The following CNNM2 variants were observed in gnomAD, a reference collection of about 807,000 sequenced individuals.
The protein encoded by CNNM2 is metal transporter CNNM2.
Under a neutral mutation model 66.9 loss-of-function variants are expected in CNNM2, and 12 were observed. The observed-to-expected ratio is 0.18, with a 90% CI of 0.11 to 0.29. The LOEUF (loss-of-function observed/expected upper bound fraction) is 0.29. Ranked by LOEUF, CNNM2 falls within the 10% of genes least tolerant of loss-of-function variation. The pLI is 1.00. For missense variants in CNNM2, 705 were observed against 1,167.7 expected, an observed-to-expected ratio of 0.60 and a Z score of 5.77; for synonymous variants, 557 against 501.8, an observed-to-expected ratio of 1.11 and a Z score of -1.47.
At chr10:102,974,515 C>G (rs1392835081) in intron 1 of CNNM2, among the ~76,000 whole-genome samples, 1 of 151,972 alleles carries the variant, frequency 6.6e-6, no homozygotes, top group Non-Finnish European at 1.5e-5. Context: ...AAAATAAAAT[C>G]TCAGATGCAT....
intron 1 of CNNM2, among the ~76,000 whole-genome samples, chr10:103,044,199 G>A (rs1203285148): frequency 6.6e-6 from 1 of 151,900 alleles, no homozygotes; most frequent in Admixed American, 6.6e-5. Context: ...TCTTCTATTC[G>A]TTTTCCCAGA....
chr10:103,060,207 AAGAT>A (rs1367963903), intron 4 of CNNM2, among the ~76,000 whole-genome samples: 3 of 152,210 alleles, frequency 2.0e-5, no homozygotes, highest in Non-Finnish European at 2.9e-5. Flanking sequence ...TAAATACAAA[AAGAT>A]AGAAATTTCA....
intron 1 of CNNM2, among the ~76,000 whole-genome samples, chr10:103,042,864 T>A (rs1437425492): frequency 1.3e-5 from 2 of 152,218 alleles, no homozygotes; most frequent in African/African-American, 4.8e-5. Context: ...TTTTTGTTAG[T>A]GACATGGGAC....
intron 1 of CNNM2, among the ~76,000 whole-genome samples, chr10:102,933,706 C>T (rs1846135281): frequency 6.6e-6 from 1 of 151,990 alleles, no homozygotes; most frequent in African/African-American, 2.4e-5. Flanking sequence ...ATAGGAAAGA[C>T]TAAATTTTTT....
chr10:103,027,118 C>G (rs1255528187), intron 1 of CNNM2, among the ~76,000 whole-genome samples: 1 of 152,174 alleles, frequency 6.6e-6, no homozygotes, highest in Non-Finnish European at 1.5e-5. Context: ...TTCTCATTCC[C>G]TCAGTCTTTG....
chr10:102,964,710 T>C (rs1324531134), intron 1 of CNNM2, among the ~76,000 whole-genome samples: 1 of 152,170 alleles, frequency 6.6e-6, no homozygotes, highest in African/African-American at 2.4e-5. Flanking sequence ...AGTTTTACTT[T>C]GTCTTTCTAT....
intron 1 of CNNM2, among the ~76,000 whole-genome samples, chr10:103,010,948 T>C (rs931580829): frequency 4.6e-5 from 7 of 152,158 alleles, no homozygotes; most frequent in African/African-American, 1.4e-4. Context: ...TATTACTTTT[T>C]CGTTTTTTCA....
chr10:102,924,832 T>C (rs1278027276), intron 1 of CNNM2, among the ~76,000 whole-genome samples: 4 of 152,158 alleles, frequency 2.6e-5, no homozygotes, highest in Non-Finnish European at 5.9e-5. Flanking sequence ...ATATATTTGT[T>C]TTCATGATGT....
intron 1 of CNNM2, among the ~76,000 whole-genome samples, chr10:103,035,668 A>G (rs746228564): frequency 1.3e-5 from 2 of 152,188 alleles, no homozygotes; most frequent in African/African-American, 2.4e-5. Flanking sequence ...GTTTCTGGCT[A>G]AAGTATCTGG....
chr10:102,920,722 A>C (rs1845598703), intron 1 of CNNM2, among the ~76,000 whole-genome samples: 1 of 152,132 alleles, frequency 6.6e-6, no homozygotes, highest in South Asian at 2.1e-4. Flanking sequence ...CCCATTTTGG[A>C]TGTGACTTCT....
chr10:102,956,529 A>G (rs1590306815), intron 1 of CNNM2, among the ~76,000 whole-genome samples: 2 of 152,212 alleles, frequency 1.3e-5, no homozygotes, highest in East Asian at 3.8e-4. Flanking sequence ...ACGTATGTTT[A>G]TTGTGGCACT....
chr10:102,950,437 T>C (rs1172025410), intron 1 of CNNM2, among the ~76,000 whole-genome samples: 1 of 152,182 alleles, frequency 6.6e-6, no homozygotes, highest in African/African-American at 2.4e-5. Flanking sequence ...AGTATGATAT[T>C]AATATTTTGT....
chr10:102,919,555 G>T lies in CNNM2; in HGVS notation c.1075G>T (p.Val359Leu). Reference protein sequence around the residue: ...TIGIVIFGEIVPQAICSRHGL... With the variant: ...TIGIVIFGEILPQAICSRHGL... ...CGGTATCGTCATCTTCGGAGAGATC[G>T]TGCCCCAGGCCATCTGCTCCCGGCA... The change falls in exon 1 of 8, where the codon GTG becomes TTG. Residue 359 changes from valine to leucine, a missense_variant. Around this residue, in one of 9 missense-constraint regions of CNNM2, gnomAD observed 49 missense variants for 183.7 expected, o/e 0.27. Transcript: ENST00000369878. The T allele has an allele frequency of 6.2e-7, 1 of 1,613,362 alleles. No homozygotes were observed.
At position 102,992,273 on chromosome 10, in the gene CNNM2, C is replaced by CTTTTTTTTTTTTTTTTTTTTTTTTTTT. The variant is rs35281835; in HGVS notation, c.1622-57416_1622-57415insTTTTTTTTTTTTTTTTTTTTTTTTTTT. On this transcript the variant is annotated intron_variant, in intron 1 of 7. Coordinates refer to ENST00000369878, the MANE Select transcript of CNNM2 (RefSeq NM_017649.5). ...TTTACTGGGAGCAAGCTCCAAGTTC[C>CTTTTTTTTTTTTTTTTTTTTTTTTTTT]TTTTTTTTTTTTTTTTTTGAGATGC... Among the ~76,000 whole-genome samples, 2 of 108,496 alleles carry CTTTTTTTTTTTTTTTTTTTTTTTTTTT rather than the reference C, an allele frequency of 1.8e-5. 1 individual carries two copies. The highest frequency in any genetic ancestry group is 6.9e-4 in the South Asian group (2 of 2,896). 71.2% of individuals were successfully genotyped at this position (108,496 alleles called of 152,430 possible).
intron 1 of CNNM2, among the ~76,000 whole-genome samples, chr10:103,016,339 C>A (rs2064447914): frequency 6.6e-6 from 1 of 151,952 alleles, no homozygotes; most frequent in Non-Finnish European, 1.5e-5. Flanking sequence ...TAATTTTAAT[C>A]CTTTAAAAAT....
At chr10:102,949,843 A>G (rs1025008024) in intron 1 of CNNM2, among the ~76,000 whole-genome samples, 18 of 152,058 alleles carry the variant, frequency 1.2e-4, no homozygotes, top group Admixed American at 3.9e-4. Context: ...ATAAATCACT[A>G]CTACCTTCTG....
chr10:102,960,082 T>C (rs1182614482), intron 1 of CNNM2, among the ~76,000 whole-genome samples: 3 of 151,400 alleles, frequency 2.0e-5, no homozygotes, highest in Non-Finnish European at 4.4e-5. Flanking sequence ...AATAAATAAA[T>C]AAATAAAATG....
intron 1 of CNNM2, among the ~76,000 whole-genome samples, chr10:102,944,579 T>TGTGTG (rs1483660328): frequency 8.0e-6 from 1 of 124,602 alleles, no homozygotes; most frequent in East Asian, 2.4e-4. Flanking sequence ...TTTGTATCTT[T>TGTGTG]TCGTGTGTGT....
intron 1 of CNNM2, among the ~76,000 whole-genome samples, chr10:102,989,839 A>T (rs1055735774): frequency 6.6e-6 from 1 of 151,768 alleles, no homozygotes; most frequent in Non-Finnish European, 1.5e-5. Flanking sequence ...TAATGCCTAT[A>T]CTCCTTTGTT....
Sources: gnomAD v4.1 joint callset for allele counts (sites outside exome capture counted in the v4.1 genomes callset) on GRCh38, gnomAD v4.1.1 for gene constraint, gnomAD v4.1.1 regional missense constraint, MANE v1.5 for transcripts, NCBI Gene and HGNC (gene_info 2026-07-23, HGNC 2026-07-21) for gene names.